The following NEK10 variants were observed in gnomAD, a reference collection of about 807,000 sequenced individuals.
The protein encoded by NEK10 is serine/threonine-protein kinase Nek10.
In NEK10, 122 loss-of-function variants were observed where a neutral mutation model predicts 159.8. The observed-to-expected ratio is 0.76, with a 90% CI of 0.66 to 0.89. NEK10 has a LOEUF of 0.89. Ranked by LOEUF, NEK10 falls within the 40% of genes least tolerant of loss-of-function variation. The pLI is 0.00. For missense variants in NEK10, 1,342 were observed against 1,323.1 expected, an observed-to-expected ratio of 1.01 and a Z score of -0.22; for synonymous variants, 466 against 457.1, an observed-to-expected ratio of 1.02 and a Z score of -0.25.
At position 27,290,646 on chromosome 3, in the gene NEK10, C is replaced by A. The variant is rs374312421; in HGVS notation, c.1714G>T (p.Val572Phe). 7 of 1,602,120 alleles carry A rather than the reference C, an allele frequency of 4.4e-6. No individual in the cohort carries two copies. The African/African-American group carries it at 9.4e-5, about 22-fold the overall frequency. ...TCTTTAATTATTGTTAATTCAGAAACAATATTCCTTACGCTGCTGTCTCGA... is the reference window on the plus strand; with the variant it reads ...TCTTTAATTATTGTTAATTCAGAAAAAATATTCCTTACGCTGCTGTCTCGA... ...KDRDSSVRNI[V>F]SELTIIKEQL... The change falls in exon 19 of 36, where the codon GTT becomes TTT. Residue 572 changes from valine (V) to phenylalanine (F), a missense_variant. Val to Phe is a conservative substitution (Grantham distance 50). Coordinates refer to ENST00000691995, the MANE Select transcript of NEK10 (RefSeq NM_001394966.1).
chr3:27,347,331 C>T (rs1439171831), intron 3 of NEK10, among the ~76,000 whole-genome samples: 2 of 151,422 alleles, frequency 1.3e-5, no homozygotes, highest in Non-Finnish European at 2.9e-5. Context: ...TGGAGAAACC[C>T]GTCTCTATTA....
At chr3:27,345,541 A>G (rs2047491250) in intron 4 of NEK10, among the ~76,000 whole-genome samples, 1 of 152,174 alleles carries the variant, frequency 6.6e-6, no homozygotes, top group South Asian at 2.1e-4. Context: ...ACCCAAGCAC[A>G]CTGTAAAACT....
chr3:27,204,285 T>TTA (rs1950301107), intron 23 of NEK10, among the ~76,000 whole-genome samples: 1 of 121,406 alleles, frequency 8.2e-6, no homozygotes, highest in Non-Finnish European at 1.7e-5. Context: ...CTTTTTTTTT[T>TTA]TTTTTTTTTG....
chr3:27,130,052 C>A (rs747303482), intron 32 of NEK10, among the ~76,000 whole-genome samples: 1 of 152,024 alleles, frequency 6.6e-6, no homozygotes. Flanking sequence ...GGGGAGATGG[C>A]GCAAGCCTGA....
chr3:27,139,382 G>A (rs2125566144), intron 31 of NEK10, among the ~76,000 whole-genome samples: 1 of 152,250 alleles, frequency 6.6e-6, no homozygotes, highest in East Asian at 1.9e-4. Context: ...ATTTCCTCAT[G>A]AGATCCAACA....
intron 1 of NEK10, among the ~76,000 whole-genome samples, chr3:27,356,068 G>T (rs73149758): frequency 0.016 from 2,505 of 152,162 alleles, 77 homozygotes; most frequent in African/African-American, 0.058. Flanking sequence ...CTCTCTCTTT[G>T]CTCTTCTGCC....
intron 23 of NEK10, among the ~76,000 whole-genome samples, chr3:27,242,118 C>A (rs1008416004): frequency 6.6e-6 from 1 of 152,144 alleles, no homozygotes; most frequent in African/African-American, 2.4e-5. Context: ...CCATGTAAGG[C>A]CAAGGAGGCA....
At chr3:27,201,418 T>C in intron 25 of NEK10, 92 bp downstream of exon 25, 1 of 1,106,668 alleles carries the variant, frequency 9.0e-7, no homozygotes, top group Non-Finnish European at 1.3e-6. Flanking sequence ...ACTCTTTCTC[T>C]TCATGACCTT....
chr3:27,227,751 G>T (rs1200321728), intron 23 of NEK10, among the ~76,000 whole-genome samples: 1 of 152,132 alleles, frequency 6.6e-6, no homozygotes, highest in Non-Finnish European at 1.5e-5. Context: ...CATATGAACA[G>T]GTATAAACAG....
intron 22 of NEK10, among the ~76,000 whole-genome samples, chr3:27,267,471 T>G (rs2040995018): frequency 6.6e-6 from 1 of 152,244 alleles, no homozygotes; most frequent in African/African-American, 2.4e-5. Context: ...CAACAGCATC[T>G]GCTCACTTTA....
At chr3:27,188,949 C>T (rs1425364774) in intron 26 of NEK10, among the ~76,000 whole-genome samples, 1 of 152,148 alleles carries the variant, frequency 6.6e-6, no homozygotes, top group South Asian at 2.1e-4. Flanking sequence ...GTTCACTACA[C>T]TGTGAACAGT....
intron 5 of NEK10, among the ~76,000 whole-genome samples, chr3:27,328,454 A>G (rs994094114): frequency 2.6e-5 from 4 of 152,188 alleles, no homozygotes; most frequent in Non-Finnish European, 5.9e-5. Context: ...ATCCATATGG[A>G]TGTCTAGGTC....
chr3:27,255,296 A>G (rs1165494698), intron 23 of NEK10: 7 of 434,558 alleles, frequency 1.6e-5, no homozygotes, highest in Admixed American at 7.5e-5. Flanking sequence ...GCATCTTCTC[A>G]TGAAACCACT....
At chr3:27,346,026 T>C (rs2047527200) in intron 4 of NEK10, 60 bp downstream of exon 4, 3 of 1,548,324 alleles carry the variant, frequency 1.9e-6, no homozygotes, top group Non-Finnish European at 2.6e-6. Flanking sequence ...TAAACTTAAA[T>C]AAAACTGTGA....
rs546983974 is a variant in NEK10, at chr3:27,111,811, C to T, written c.3300-491G>A. Reference sequence around the variant, plus strand: ...TATTCATGACTCAAATGATTTTATCCTCACAAACAACAATGATAAAATTAA... The same window carrying T: ...TATTCATGACTCAAATGATTTTATCTTCACAAACAACAATGATAAAATTAA... On this transcript the variant is annotated intron_variant, in intron 35 of 35. Transcript: ENST00000691995. 1.2e-4 allele frequency among the ~76,000 whole-genome samples: 18 copies of T among 152,116 alleles called. No individual in the cohort carries two copies. In the East Asian group the frequency reaches 3.5e-3, roughly 29 times the overall value.
rs370577392 is a variant in NEK10, at chr3:27,201,589, C to T, written c.2221-9G>A. 2 of 1,611,342 alleles carry T rather than the reference C, an allele frequency of 1.2e-6. No individual in the cohort carries two copies. Among genetic ancestry groups the T allele is most frequent in the Non-Finnish European group, 1.7e-6 (2 of 1,177,670 alleles). On this transcript the variant is annotated splice_polypyrimidine_tract_variant and intron_variant, in intron 24 of 35. Transcript: ENST00000691995. ...TATACCGCCTCCACTATCTGCAAAA[C>T]AAACAGACTAGAGTGATGGAAGTAA...
intron 32 of NEK10, among the ~76,000 whole-genome samples, chr3:27,120,172 A>G (rs9870969): frequency 0.24 from 36,771 of 152,084 alleles, 4,793 homozygotes; most frequent in Middle Eastern, 0.4. Context: ...AAGCTGGGAT[A>G]TCAAGATGTT....
In NEK10 at chr3:27,301,716, T is replaced by A; in HGVS notation, c.1148A>T (p.Asn383Ile). 2 of 1,572,918 alleles carry A rather than the reference T, an allele frequency of 1.3e-6. No individual in the cohort carries two copies. Among genetic ancestry groups the A allele is most frequent in the South Asian group, 2.3e-5 (2 of 86,148 alleles). The change falls in exon 13 of 36, where the codon AAT (asparagine) becomes ATT (isoleucine). Residue 383 changes from asparagine to isoleucine, a missense_variant. Asn to Ile is a moderately radical substitution (Grantham distance 149). Transcript: ENST00000691995. ...AATACCTGCTTGAAGTGAGAAAGTA[T>A]TTTCTTGTATTTCCCTAGGGCTCAA... ...EDLSPREIQE[N>I]TFSLQAACCA...
At chr3:27,203,149 C>G (rs1950194474) in intron 23 of NEK10, among the ~76,000 whole-genome samples, 1 of 152,194 alleles carries the variant, frequency 6.6e-6, no homozygotes, top group Non-Finnish European at 1.5e-5. Context: ...CAGAACCAGT[C>G]TGCCCCCAGA....
Sources: allele counts gnomAD v4.1 joint callset (sites outside exome capture counted in the v4.1 genomes callset), GRCh38; gene constraint gnomAD v4.1.1; transcripts MANE v1.5; gene names NCBI Gene and HGNC (gene_info 2026-07-23, HGNC 2026-07-21).